The following TMEM131L variants were observed in gnomAD, a reference collection of about 807,000 sequenced individuals.
TMEM131L encodes the protein transmembrane 131 like, also known as transmembrane protein 131-like.
In TMEM131L, 54 loss-of-function variants were observed where a neutral mutation model predicts 192.2. That is an observed-to-expected ratio of 0.28 (90% confidence interval 0.23 to 0.35). The LOEUF (loss-of-function observed/expected upper bound fraction) is 0.35. TMEM131L is among the 10% of genes least tolerant of loss of function. The pLI is 1.00. For synonymous variants in TMEM131L, 701 were observed against 704.9 expected (o/e 0.99, Z 0.09); for missense variants, 1,888 against 1,972.9 (o/e 0.96, Z 0.82).
At chr4:153,578,755 C>T (rs1247927501) in intron 7 of TMEM131L, among the ~76,000 whole-genome samples, 13 of 151,952 alleles carry the variant, frequency 8.6e-5, no homozygotes, top group Admixed American at 7.9e-4. Flanking sequence ...CTCCTGACCC[C>T]GTGATCCACC....
intron 7 of TMEM131L, among the ~76,000 whole-genome samples, chr4:153,563,822 TC>T (rs1251148506): frequency 6.6e-6 from 1 of 152,132 alleles, no homozygotes; most frequent in Non-Finnish European, 1.5e-5. Context: ...GTGTGGTATT[TC>T]TCTTCACATT....
chr4:153,471,714 C>T (rs1196683689), intron 2 of TMEM131L, among the ~76,000 whole-genome samples: 1 of 152,180 alleles, frequency 6.6e-6, no homozygotes, highest in Non-Finnish European at 1.5e-5. Flanking sequence ...GCAGCCGTTA[C>T]CTGATACAGA....
chr4:153,538,868 G>A (rs1277850479), intron 3 of TMEM131L, among the ~76,000 whole-genome samples: 1 of 152,212 alleles, frequency 6.6e-6, no homozygotes, highest in Non-Finnish European at 1.5e-5. Flanking sequence ...CTACTCGTGG[G>A]ACAAGGTGGA....
intron 29 of TMEM131L, among the ~76,000 whole-genome samples, chr4:153,625,355 C>CT (rs1161955730): frequency 6.6e-6 from 1 of 151,838 alleles, no homozygotes; most frequent in Non-Finnish European, 1.5e-5. Context: ...CGCCACTGCA[C>CT]TCCAGCCTGG....
Position 153,583,198 on chromosome 4 carries a change from G to T in TMEM131L, c.901G>T (p.Ala301Ser). The stretch of plus-strand genomic sequence containing the variant: ...CTGATTCTTTTGGACAGATGATTCA[G>T]CAGTAAATATGTATATATTACATTC... ...TDESETSDDS[A>S]VNMYILHSGN... Residue 301 changes from alanine (A) to serine (S), a missense_variant, in exon 10 of 35, where the codon GCA becomes TCA. Coordinates refer to ENST00000409959, the MANE Select transcript of TMEM131L (RefSeq NM_001131007.2). The T allele has an allele frequency of 6.9e-7, 1 of 1,440,806 alleles. No homozygotes were observed. The highest frequency in any genetic ancestry group is 9.8e-7 in the Non-Finnish European group (1 of 1,022,484). 89.3% of individuals were successfully genotyped at this position (1,440,806 alleles called of 1,614,324 possible).
At chr4:153,557,170 ATGT>A (rs767926235) in intron 6 of TMEM131L, 88 bp downstream of exon 6, 35 of 687,760 alleles carry the variant, frequency 5.1e-5, no homozygotes, top group Non-Finnish European at 8.3e-5. Flanking sequence ...ACTTTTGGAA[ATGT>A]TGTCACCTGG....
chr4:153,512,902 G>A (rs1241402227), intron 3 of TMEM131L, among the ~76,000 whole-genome samples: 1 of 152,134 alleles, frequency 6.6e-6, no homozygotes, highest in Non-Finnish European at 1.5e-5. Flanking sequence ...ATGAGCCACC[G>A]TGCCCAGCCC....
intron 3 of TMEM131L, among the ~76,000 whole-genome samples, chr4:153,531,690 T>C (rs1312039506): frequency 6.6e-6 from 1 of 152,234 alleles, no homozygotes; most frequent in Admixed American, 6.5e-5. Flanking sequence ...TATCTCTGTT[T>C]ATAGTTAAAG....
At chr4:153,504,159 G>A (rs1044646505) in intron 3 of TMEM131L, among the ~76,000 whole-genome samples, 1 of 151,460 alleles carries the variant, frequency 6.6e-6, no homozygotes, top group Non-Finnish European at 1.5e-5. Flanking sequence ...TAGTAGAGAC[G>A]GGGTTTCACT....
chr4:153,504,875 T>C (rs1045984974), intron 3 of TMEM131L, among the ~76,000 whole-genome samples: 1 of 152,170 alleles, frequency 6.6e-6, no homozygotes, highest in Non-Finnish European at 1.5e-5. Flanking sequence ...TTCACTTGAA[T>C]CTCAGCTTGT....
intron 26 of TMEM131L, 23 bp downstream of exon 26, chr4:153,612,423 A>G (rs1427191469): frequency 8.3e-6 from 13 of 1,560,876 alleles, no homozygotes; most frequent in East Asian, 6.9e-5. Flanking sequence ...TTTCTTGCCT[A>G]TTAAAAACAA....
rs1734293897 is a variant in TMEM131L at position 153,632,702 on chromosome 4, T to C, written c.4208-16T>C. 2 of 1,613,956 alleles carry C rather than the reference T, an allele frequency of 1.2e-6. No homozygotes were observed. The highest frequency in any genetic ancestry group is 2.7e-5 in the African/African-American group (2 of 75,016). On this transcript the variant is annotated splice_polypyrimidine_tract_variant and intron_variant, in intron 31 of 34. Transcript: ENST00000409959. ...GGTGAGGATAGGGTGGACTCAGGCC[T>C]TGTTCTCTTCCGTAGGTCTTTACTC...
chr4:153,466,510 C>T lies in TMEM131L; in HGVS notation c.113C>T (p.Ala38Val), dbSNP rs1271545708. 2.1e-6 allele frequency: 3 copies of T among 1,397,648 alleles called. No homozygotes were observed. Among genetic ancestry groups the T allele is most frequent in the Non-Finnish European group, 2.8e-6 (3 of 1,066,436 alleles). 86.6% of individuals were successfully genotyped at this position (1,397,648 alleles called of 1,614,324 possible). Residue 38 changes from alanine (A) to valine (V), a missense_variant, in exon 1 of 35, where the codon GCT becomes GTT. Coordinates refer to ENST00000409959, the MANE Select transcript of TMEM131L (RefSeq NM_001131007.2). ...VLLPCCRPGG[A>V]QGQAIEPLPN... Reference sequence around the variant, plus strand: ...CTGCCCTGCTGTCGCCCGGGAGGGGCTCAGGGACAAGGTCAGCCTTGCGCC... The same window carrying T: ...CTGCCCTGCTGTCGCCCGGGAGGGGTTCAGGGACAAGGTCAGCCTTGCGCC...
Position 153,592,492 on chromosome 4 carries a change from G to A in TMEM131L, c.1830G>A (p.Val610=). 2 of 1,613,970 alleles carry A rather than the reference G, an allele frequency of 1.2e-6. No homozygotes were observed. The highest frequency in any genetic ancestry group is 2.7e-5 in the African/African-American group (2 of 75,034). ...LRSRMIKYFV[V]QNPSSWPVSL... is the part of the protein sequence containing the mutation. ...ACACCTAGATCAAGTACTTTGTGGT[G>A]CAGAACCCGTCCTCTTGGCCGGTCT... The change falls in exon 18 of 35, where the codon GTG becomes GTA. Residue 610 remains valine (V), a synonymous_variant. Coordinates refer to ENST00000409959, the MANE Select transcript of TMEM131L (RefSeq NM_001131007.2).
chr4:153,582,476 C>G (rs1730428999), intron 9 of TMEM131L, among the ~76,000 whole-genome samples: 1 of 125,790 alleles, frequency 7.9e-6, no homozygotes, highest in Non-Finnish European at 1.6e-5. Flanking sequence ...ACAGGTTCTC[C>G]CTGTGTTGCT....
At chr4:153,625,690 C>G (rs1280900457) in intron 29 of TMEM131L, among the ~76,000 whole-genome samples, 2 of 151,862 alleles carry the variant, frequency 1.3e-5, no homozygotes, top group Non-Finnish European at 2.9e-5. Context: ...GGTGGATCAC[C>G]TGAGGTCAGG....
At chr4:153,553,593 C>T (rs1488636650) in intron 4 of TMEM131L, among the ~76,000 whole-genome samples, 1 of 152,078 alleles carries the variant, frequency 6.6e-6, no homozygotes, top group Non-Finnish European at 1.5e-5. Flanking sequence ...GGGTTCTCCT[C>T]CTGATTTCTT....
In TMEM131L at chr4:153,622,907, A is replaced by C; in HGVS notation, c.3869A>C (p.Tyr1290Ser). 1 of 1,614,148 alleles carries C rather than the reference A, an allele frequency of 6.2e-7. No homozygotes were observed. Residue 1290 changes from tyrosine to serine, a missense_variant, in exon 29 of 35, where the codon TAC (tyrosine) becomes TCC (serine). Tyr to Ser is a moderately radical substitution (Grantham distance 144). Coordinates refer to ENST00000409959, the MANE Select transcript of TMEM131L (RefSeq NM_001131007.2). ...PAAQREAEGY[Y>S]QKPEKKCVDK... ...CTTTCACTTCCTCCAGAAGGTTACT[A>C]CCAGAAGCCTGAGAAGAAATGTGTG...
At chr4:153,469,355 GTA>G (rs1487709145) in intron 2 of TMEM131L, among the ~76,000 whole-genome samples, 1 of 143,106 alleles carries the variant, frequency 7.0e-6, no homozygotes, top group African/African-American at 3.0e-5. Context: ...GTATGTGTGT[GTA>G]TATATATCTC....
Sources: gnomAD v4.1 joint callset for allele counts (sites outside exome capture counted in the v4.1 genomes callset) on GRCh38, gnomAD v4.1.1 for gene constraint, MANE v1.5 for transcripts, NCBI Gene and HGNC (gene_info 2026-07-23, HGNC 2026-07-21) for gene names.